The following CTDSPL variants were observed in gnomAD, a reference collection of about 807,000 sequenced individuals.
The protein encoded by CTDSPL is CTD small phosphatase-like protein.
A neutral mutation model predicts 30.5 loss-of-function variants in CTDSPL; 8 were observed. The ratio of observed to expected loss-of-function variants is 0.26; its 90% CI spans 0.15 to 0.47. The LOEUF (loss-of-function observed/expected upper bound fraction) is 0.47, where lower values mean the gene tolerates loss of function less well. Among genes scored for constraint, CTDSPL ranks in the 20% least tolerant of loss-of-function variants. The pLI, the probability that CTDSPL is intolerant of heterozygous loss-of-function variation, is 0.99. For synonymous variants in CTDSPL, 110 were observed against 137.9 expected, an observed-to-expected ratio of 0.80 and a Z score of 1.42; for missense variants, 248 against 366.1, an observed-to-expected ratio of 0.68 and a Z score of 2.63.
intron 6 of CTDSPL, among the ~76,000 whole-genome samples, chr3:37,973,511 C>G (rs76562038): frequency 0.039 from 5,891 of 152,294 alleles, 191 homozygotes; most frequent in Non-Finnish European, 0.056. Flanking sequence ...CGAATCAGCT[C>G]CCACGTGCAG....
chr3:37,939,193 A>G (rs1238182417), intron 1 of CTDSPL, among the ~76,000 whole-genome samples: 1 of 150,362 alleles, frequency 6.7e-6, no homozygotes, highest in African/African-American at 2.4e-5. Flanking sequence ...TAAACCAGTC[A>G]CAATTTTTTG....
At chr3:37,928,246 G>C (rs2125613883) in intron 1 of CTDSPL, among the ~76,000 whole-genome samples, 1 of 152,338 alleles carries the variant, frequency 6.6e-6, no homozygotes, top group East Asian at 1.9e-4. Flanking sequence ...TAAATACCTA[G>C]AAGTGGAATT....
intron 1 of CTDSPL, among the ~76,000 whole-genome samples, chr3:37,882,934 T>A (rs1698224003): frequency 6.6e-6 from 1 of 152,190 alleles, no homozygotes; most frequent in South Asian, 2.1e-4. Context: ...TCTACGTGCT[T>A]GGTTTGGAGC....
chr3:37,872,184 CG>C (rs1698078813), intron 1 of CTDSPL, among the ~76,000 whole-genome samples: 1 of 151,894 alleles, frequency 6.6e-6, no homozygotes. Context: ...TTTGTAGAGT[CG>C]GGGGTCAGCC....
At chr3:37,898,501 A>G (rs928188656) in intron 1 of CTDSPL, among the ~76,000 whole-genome samples, 1 of 152,188 alleles carries the variant, frequency 6.6e-6, no homozygotes, top group African/African-American at 2.4e-5. Context: ...TAACCTAGCA[A>G]TAGTAATAAT....
intron 1 of CTDSPL, among the ~76,000 whole-genome samples, chr3:37,878,163 G>T (rs1485019694): frequency 6.6e-6 from 1 of 152,116 alleles, no homozygotes; most frequent in Non-Finnish European, 1.5e-5. Flanking sequence ...GGTATTAACA[G>T]TGTCTTTTGA....
At chr3:37,934,133 G>A (rs1698887541) in intron 1 of CTDSPL, among the ~76,000 whole-genome samples, 1 of 151,966 alleles carries the variant, frequency 6.6e-6, no homozygotes, top group Admixed American at 6.6e-5. Flanking sequence ...AACAGTCTGG[G>A]CAACATATGG....
chr3:37,971,117 C>T (rs375449605), intron 5 of CTDSPL, among the ~76,000 whole-genome samples: 155 of 152,332 alleles, frequency 1.0e-3, no homozygotes, highest in African/African-American at 3.6e-3. Flanking sequence ...TGGTACAACC[C>T]TTCCATTTGC....
chr3:37,967,987 G>A (rs891858948), intron 5 of CTDSPL, 105 bp downstream of exon 5: 41 of 734,760 alleles, frequency 5.6e-5, no homozygotes, highest in Admixed American at 5.4e-4. Context: ...ACTTTATTAC[G>A]GAATCAAAAG....
chr3:37,863,357 C>T (rs1697968084), intron 1 of CTDSPL, among the ~76,000 whole-genome samples: 1 of 152,184 alleles, frequency 6.6e-6, no homozygotes, highest in South Asian at 2.1e-4. Context: ...TCCTTTTTGT[C>T]CTTTCTCTTG....
intron 1 of CTDSPL, among the ~76,000 whole-genome samples, chr3:37,912,986 A>C (rs1469323119): frequency 6.6e-6 from 1 of 151,698 alleles, no homozygotes; most frequent in East Asian, 1.9e-4. Context: ...CAGAGATCTT[A>C]GATAGTTTGA....
chr3:37,917,167 C>A (rs1040894467), intron 1 of CTDSPL, among the ~76,000 whole-genome samples: 6 of 152,172 alleles, frequency 3.9e-5, no homozygotes, highest in Non-Finnish European at 8.8e-5. Context: ...TGAGCACTGA[C>A]GTCCTACACC....
At position 37,984,332 on chromosome 3, in the gene CTDSPL, C is replaced by CATTT. The variant is rs1699529916; in HGVS notation, c.*3466_*3469dup. ...TGGGTAGTCATGGATTTCTGCTGGA[C>CATTT]ATTTGAATGTGATAAACAATCCAGC... On this transcript the variant is annotated 3_prime_UTR_variant, in exon 8 of 8. Coordinates refer to ENST00000273179, the MANE Select transcript of CTDSPL (RefSeq NM_001008392.2). 4.4e-6 allele frequency: 2 copies of CATTT among 456,400 alleles called. No homozygotes were observed. The highest frequency in any genetic ancestry group is 8.8e-6 in the Non-Finnish European group (2 of 226,864). 28.3% of individuals were successfully genotyped at this position (456,400 alleles called of 1,614,324 possible).
intron 7 of CTDSPL, 93 bp from the exon 8 acceptor site, chr3:37,980,645 TAAAG>T (rs1699480481): frequency 6.0e-6 from 9 of 1,496,058 alleles, no homozygotes; most frequent in Non-Finnish European, 7.2e-6. Flanking sequence ...TCGTCCTTAC[TAAAG>T]AAAGTGCTCA....
chr3:37,903,344 C>G (rs1698474047), intron 1 of CTDSPL, among the ~76,000 whole-genome samples: 1 of 152,330 alleles, frequency 6.6e-6, no homozygotes, highest in African/African-American at 2.4e-5. Flanking sequence ...TACTTTGAAA[C>G]AGCGATCCAT....
At chr3:37,892,102 C>G (rs984991827) in intron 1 of CTDSPL, among the ~76,000 whole-genome samples, 1 of 152,132 alleles carries the variant, frequency 6.6e-6, no homozygotes, top group African/African-American at 2.4e-5. Context: ...CTATGCATCT[C>G]CCTACTGATG....
intron 1 of CTDSPL, among the ~76,000 whole-genome samples, chr3:37,930,567 C>A (rs1469831823): frequency 6.6e-6 from 1 of 152,108 alleles, no homozygotes; most frequent in Non-Finnish European, 1.5e-5. Flanking sequence ...ACTTCAGCCT[C>A]CCAAAAAGTT....
chr3:37,917,372 A>G lies in CTDSPL; in HGVS notation c.80-29685A>G, dbSNP rs182625360. On this transcript the variant is annotated intron_variant, in intron 1 of 7. Coordinates refer to ENST00000273179, the MANE Select transcript of CTDSPL (RefSeq NM_001008392.2). ...AGTGAGCTTTCTTCCTGGTTTATAT[A>G]CAAATGAAAACTAAGAAAGCATTTG... Among the ~76,000 whole-genome samples, 3 of 152,352 alleles carry G rather than the reference A, an allele frequency of 2.0e-5. No individual in the cohort carries two copies. The East Asian group carries it at 5.8e-4, about 29-fold the overall frequency.
At chr3:37,944,618 TCTC>T (rs1334838932) in intron 1 of CTDSPL, 4 of 150,294 alleles carry the variant, frequency 2.7e-5, no homozygotes, top group Non-Finnish European at 6.0e-5. Context: ...CCTTCCCACT[TCTC>T]CTATTCTGAG....
Sources: allele counts gnomAD v4.1 joint callset (sites outside exome capture counted in the v4.1 genomes callset), GRCh38; gene constraint gnomAD v4.1.1; transcripts MANE v1.5; gene names NCBI Gene and HGNC (gene_info 2026-07-23, HGNC 2026-07-21).